The following GDA variants were observed in gnomAD, a reference collection of about 807,000 sequenced individuals.
The protein encoded by GDA is cytoplasmic PSD-95 interactor.
In GDA, 18 loss-of-function variants were observed where a neutral mutation model predicts 59.6. The ratio of observed to expected loss-of-function variants is 0.30; its 90% CI spans 0.21 to 0.45. The LOEUF is 0.45. Ranked by LOEUF, GDA falls within the 20% of genes least tolerant of loss-of-function variation. GDA has a pLI of 1.00. For missense variants in GDA, 427 were observed against 552.3 expected (o/e 0.77, Z 2.27); for synonymous variants, 201 against 201.1 (o/e 1.00, Z 0.00).
chr9:72,158,115 C>G (rs1828144968), intron 1 of GDA, among the ~76,000 whole-genome samples: 1 of 152,184 alleles, frequency 6.6e-6, no homozygotes, highest in African/African-American at 2.4e-5. Context: ...GCTTTATTCC[C>G]AAGTTGAAAT....
chr9:72,219,394 C>A, intron 5 of GDA, 85 bp from the exon 6 acceptor site: 1 of 994,644 alleles, frequency 1.0e-6, no homozygotes, highest in African/African-American at 1.6e-5. Context: ...CAGAGCCAGA[C>A]TCTGTCTGAA....
Position 72,225,731 on chromosome 9 carries a change from A to C in GDA, c.769A>C (p.Ser257Arg), listed in dbSNP as rs1837471363. 1.3e-6 allele frequency: 2 copies of C among 1,555,268 alleles called. No homozygotes were observed. Among genetic ancestry groups the C allele is most frequent in the Admixed American group, 1.7e-5 (1 of 57,660 alleles). ...EVEAVKNLYP[S>R]YKNYTSVYDK... ...TGAAGCTGTGAAAAACTTATACCCCAGTTATAAAAACTACACATCTGTGTA... is the reference window on the plus strand; with the variant it reads ...TGAAGCTGTGAAAAACTTATACCCCCGTTATAAAAACTACACATCTGTGTA... The change falls in exon 8 of 14, where the codon AGT (serine) becomes CGT (arginine). Residue 257 changes from serine (S) to arginine (R), a missense_variant. Coordinates refer to ENST00000358399, the MANE Select transcript of GDA (RefSeq NM_004293.5).
intron 7 of GDA, among the ~76,000 whole-genome samples, chr9:72,224,172 A>C (rs1394694768): frequency 6.6e-6 from 1 of 152,234 alleles, no homozygotes; most frequent in Admixed American, 6.5e-5. Flanking sequence ...TTAAAAATAC[A>C]TGAAAAATAA....
At chr9:72,183,467 G>A (rs1831504306) in intron 1 of GDA, among the ~76,000 whole-genome samples, 1 of 151,816 alleles carries the variant, frequency 6.6e-6, no homozygotes, top group South Asian at 2.1e-4. Context: ...GGAAGGAAAA[G>A]GAAAGGAAAG....
At chr9:72,137,899 T>C (rs1587322552) in intron 1 of GDA, among the ~76,000 whole-genome samples, 1 of 152,038 alleles carries the variant, frequency 6.6e-6, no homozygotes, top group South Asian at 2.1e-4. Context: ...CAGAGACAGG[T>C]TTATTTTAAA....
At chr9:72,128,407 A>C (rs1825919377) in intron 1 of GDA, among the ~76,000 whole-genome samples, 1 of 152,068 alleles carries the variant, frequency 6.6e-6, no homozygotes, top group African/African-American at 2.4e-5. Context: ...TACATTGGCA[A>C]TATCTTTGCT....
At chr9:72,179,077 A>G (rs1830865427) in intron 1 of GDA, among the ~76,000 whole-genome samples, 1 of 152,214 alleles carries the variant, frequency 6.6e-6, no homozygotes, top group South Asian at 2.1e-4. Flanking sequence ...CTCTCCAGCC[A>G]TACTTCCCTC....
rs563290619 is a variant in GDA at position 72,168,271 on chromosome 9, G to A, written c.123+18589G>A. On this transcript the variant is annotated intron_variant, in intron 1 of 13. Transcript: ENST00000358399. ...AAACACGAGCTGGGCATAGTGGTGC[G>A]TGCCTGTGGTCCCAGCTACGCAGGA... Among the ~76,000 whole-genome samples the A allele has an allele frequency of 7.9e-4, 120 of 151,986 alleles. 1 individual carries two copies. Among genetic ancestry groups the A allele is most frequent in the African/African-American group, 2.4e-3 (100 of 41,454 alleles).
At chr9:72,156,247 A>G (rs981487968) in intron 1 of GDA, among the ~76,000 whole-genome samples, 23 of 152,232 alleles carry the variant, frequency 1.5e-4, no homozygotes, top group Non-Finnish European at 3.1e-4. Flanking sequence ...GGACTGGAAC[A>G]TGCAAAAGAG....
At chr9:72,220,686 G>A (rs115244749) in intron 6 of GDA, among the ~76,000 whole-genome samples, 1 of 152,054 alleles carries the variant, frequency 6.6e-6, no homozygotes, top group Non-Finnish European at 1.5e-5. Context: ...GGGCTGACTG[G>A]TGGCACCTGG....
At chr9:72,248,016 T>C (rs943719526) in intron 13 of GDA, among the ~76,000 whole-genome samples, 2 of 152,276 alleles carry the variant, frequency 1.3e-5, no homozygotes, top group South Asian at 2.1e-4. Context: ...AAAGGACAGC[T>C]ATAGGGGGTT....
In GDA at chr9:72,231,110, A is replaced by G; in HGVS notation, c.921-4A>G. Reference sequence around the variant, plus strand: ...CCTTGTTCTGACATCTCCTCTCTCTACAGGCTCAGCAGTGGATTTCTAAAT... The same window carrying G: ...CCTTGTTCTGACATCTCCTCTCTCTGCAGGCTCAGCAGTGGATTTCTAAAT... On this transcript the variant is annotated splice_region_variant and splice_polypyrimidine_tract_variant and intron_variant, in intron 9 of 13. Transcript: ENST00000358399. The G allele has an allele frequency of 1.3e-6, 2 of 1,550,778 alleles. No homozygotes were observed. The highest frequency in any genetic ancestry group is 1.1e-5 in the South Asian group (1 of 89,796).
At chr9:72,168,159 G>C (rs933785225) in intron 1 of GDA, among the ~76,000 whole-genome samples, 22 of 152,106 alleles carry the variant, frequency 1.4e-4, no homozygotes, top group African/African-American at 5.3e-4. Flanking sequence ...CAGATTGGGA[G>C]GCCAAAGCAG....
chr9:72,133,297 A>AAAAT (rs1362771863), intron 1 of GDA, among the ~76,000 whole-genome samples: 18 of 131,082 alleles, frequency 1.4e-4, no homozygotes, highest in Admixed American at 3.3e-4. Flanking sequence ...TAAAAAAAAA[A>AAAAT]AAAAAAAAAA....
chr9:72,229,502 A>C (rs568356394), intron 9 of GDA, among the ~76,000 whole-genome samples: 15 of 152,306 alleles, frequency 9.8e-5, no homozygotes, highest in African/African-American at 3.6e-4. Flanking sequence ...AAACTCAGGT[A>C]ACCAGTGTCC....
Position 72,250,972 on chromosome 9 carries a change from T to C in GDA, c.*2630T>C, listed in dbSNP as rs75503818. ...AGAGGGAAACATGGGAAGTAAAAGA[T>C]TAGGATGTGAAAGGTTGTCCTAAAC... On this transcript the variant is annotated 3_prime_UTR_variant, in exon 14 of 14. Coordinates refer to ENST00000358399, the MANE Select transcript of GDA (RefSeq NM_004293.5). 1,900 of 705,160 alleles carry C rather than the reference T, an allele frequency of 2.7e-3. 23 individuals are homozygous for C. The African/African-American group carries it at 0.03, about 11-fold the overall frequency. 43.7% of individuals were successfully genotyped at this position (705,160 alleles called of 1,614,324 possible).
chr9:72,138,747 A>C (rs1026000608), intron 1 of GDA, among the ~76,000 whole-genome samples: 1 of 152,290 alleles, frequency 6.6e-6, no homozygotes, highest in South Asian at 2.1e-4. Flanking sequence ...AAGAGTCATG[A>C]CTTTTTAAAA....
chr9:72,206,689 C>G (rs959103329), intron 3 of GDA, among the ~76,000 whole-genome samples: 2 of 152,110 alleles, frequency 1.3e-5, no homozygotes, highest in African/African-American at 4.8e-5. Context: ...GGGAGAATCT[C>G]TTGAACCCAG....
intron 10 of GDA, among the ~76,000 whole-genome samples, chr9:72,233,668 G>A (rs1254908056): frequency 6.6e-6 from 1 of 152,168 alleles, no homozygotes; most frequent in East Asian, 1.9e-4. Flanking sequence ...AGGCCCAGGT[G>A]CAGTGGCTCA....
Sources: gnomAD v4.1 joint callset for allele counts (sites outside exome capture counted in the v4.1 genomes callset) on GRCh38, gnomAD v4.1.1 for gene constraint, MANE v1.5 for transcripts, NCBI Gene and HGNC (gene_info 2026-07-23, HGNC 2026-07-21) for gene names.